Variants in PRH1 observed in about 807,000 individuals in gnomAD.
The protein encoded by PRH1 is salivary acidic proline-rich phosphoprotein 1/2.
Under a neutral mutation model 7.9 loss-of-function variants are expected in PRH1, and 7 were observed. That is an observed-to-expected ratio of 0.89 (90% CI 0.50 to 1.67). The LOEUF (loss-of-function observed/expected upper bound fraction) is 1.67, where lower values mean the gene tolerates loss of function less well. PRH1 is among the 40% of genes most tolerant of loss of function. PRH1 has a pLI of 0.00. For synonymous variants in PRH1, 45 were observed against 80.8 expected (o/e 0.56, Z 2.38); for missense variants, 109 against 223.6 (o/e 0.49, Z 3.27).
chr12:11,055,585 A>C (rs1340111470), intron 1 of PRH1, among the ~76,000 whole-genome samples: 1 of 152,274 alleles, frequency 6.6e-6, no homozygotes, highest in African/African-American at 2.4e-5. Context: ...ATTAACTCCT[A>C]TTCAAATGCT....
intron 1 of PRH1, among the ~76,000 whole-genome samples, chr12:11,111,073 T>C (rs1189670420): frequency 1.3e-5 from 2 of 152,136 alleles, no homozygotes; most frequent in African/African-American, 2.4e-5. Context: ...TACATAATGG[T>C]AAAGGAATCA....
chr12:10,956,889 G>T (rs2135925406), intron 2 of PRH1, among the ~76,000 whole-genome samples: 1 of 152,150 alleles, frequency 6.6e-6, no homozygotes, highest in East Asian at 1.9e-4. Context: ...AGTATTACAA[G>T]AGACTGTTCA....
chr12:10,909,070 C>T (rs1355652096), intron 2 of PRH1: 1 of 1,613,628 alleles, frequency 6.2e-7, no homozygotes, highest in South Asian at 1.1e-5. Context: ...GTTCCAGACA[C>T]AAATATGGCT....
chr12:10,882,742 C>T (rs1356569358), intron 2 of PRH1, 44 bp from the exon 3 acceptor site: 1 of 1,599,434 alleles, frequency 6.3e-7, no homozygotes, highest in Admixed American at 1.7e-5. Flanking sequence ...TGCTGGAAAA[C>T]CCTCCTGTCT....
Position 11,094,334 on chromosome 12 carries a change from C to T in PRH1, n.124-47146G>A, listed in dbSNP as rs1265759447. 4.1e-5 allele frequency among the ~76,000 whole-genome samples: 4 copies of T among 96,910 alleles called. 1 individual carries two copies. The highest frequency in any genetic ancestry group is 1.1e-4 in the Admixed American group (1 of 9,146). 63.6% of individuals were successfully genotyped at this position (96,910 alleles called of 152,430 possible). A position where few individuals can be genotyped will look rare whatever the true frequency, so the allele number is the denominator to read the frequency against. ...AAAAAAAAAAAAAAAAACCCGACGT[C>T]AAACGACATGTGAGATATAAATATC... is the stretch of plus-strand genomic sequence containing the variant. On this transcript the variant is annotated intron_variant and non_coding_transcript_variant, in intron 1 of 4. Coordinates refer to the PRH1 transcript ENST00000541977.
chr12:10,996,414 T>C (rs1472692621), intron 1 of PRH1: 1 of 150,962 alleles, frequency 6.6e-6, no homozygotes, highest in African/African-American at 2.4e-5. Flanking sequence ...TAGAATTAAA[T>C]GTCCTTACCA....
At chr12:10,953,843 G>GT (rs1937812840) in intron 2 of PRH1, among the ~76,000 whole-genome samples, 2 of 152,126 alleles carry the variant, frequency 1.3e-5, no homozygotes, top group African/African-American at 2.4e-5. Flanking sequence ...GAAAGAAAAA[G>GT]TGCCATAGGC....
intron 1 of PRH1, among the ~76,000 whole-genome samples, chr12:11,141,008 C>T (rs555392952): frequency 4.7e-4 from 71 of 151,878 alleles, no homozygotes; most frequent in African/African-American, 1.6e-3. Flanking sequence ...CTAAGTAATA[C>T]TTGTATAACT....
At chr12:11,045,260 C>T (rs1365296772) in intron 1 of PRH1, among the ~76,000 whole-genome samples, 1 of 139,238 alleles carries the variant, frequency 7.2e-6, no homozygotes, top group Non-Finnish European at 1.5e-5. Flanking sequence ...GGATGCTAAA[C>T]AAAGGCTGGG....
At chr12:10,950,292 T>C (rs117504311) in intron 2 of PRH1, among the ~76,000 whole-genome samples, 3,006 of 152,234 alleles carry the variant, frequency 0.02, 35 homozygotes, top group South Asian at 0.031. Context: ...GATTATGTCA[T>C]ACTCAGCCAA....
At chr12:10,887,569 TG>T (rs994889121), upstream of PRH1, among the ~76,000 whole-genome samples, 1 of 151,304 alleles carries the variant, frequency 6.6e-6, no homozygotes, top group Non-Finnish European at 1.5e-5. Context: ...TCACCCAGGT[TG>T]GGGTGCAGTG....
At chr12:10,913,978 C>T (rs116519503) in intron 2 of PRH1, among the ~76,000 whole-genome samples, 1 of 152,202 alleles carries the variant, frequency 6.6e-6, no homozygotes, top group East Asian at 1.9e-4. Flanking sequence ...ACTAAGCTAT[C>T]TTGGCAAGTA....
chr12:11,168,268 GAA>G (rs1555178284), intron 1 of PRH1, among the ~76,000 whole-genome samples: 25 of 33,046 alleles, frequency 7.6e-4, no homozygotes, highest in Non-Finnish European at 1.1e-3. Context: ...AAGAAAGAAA[GAA>G]AGAAAGAAAG....
chr12:10,984,468 A>G (rs1939505887), intron 1 of PRH1, among the ~76,000 whole-genome samples: 1 of 152,102 alleles, frequency 6.6e-6, no homozygotes, highest in Admixed American at 6.5e-5. Context: ...TGCCACTCCC[A>G]TATAGTTAGT....
At chr12:11,171,570 G>T, upstream of PRH1, 1 of 1,231,998 alleles carries the variant, frequency 8.1e-7, no homozygotes, top group South Asian at 4.1e-5. Context: ...TTAGAGCCAT[G>T]ACTAAGCTAA....
rs766204290 is a variant in PRH1, at chr12:10,882,670, A to G, written c.129T>C (p.Asp43=). 11 of 1,558,314 alleles carry G rather than the reference A, an allele frequency of 7.1e-6. No homozygotes were observed. The South Asian group carries it at 1.3e-4, about 19-fold the overall frequency. ...SDGGDSEQFL[D]EERQGPPLGG... ...CCAAAGGTGGTCCCTGACGCTCCTCATCTAGGAACTGCTCAGAGTCTCCTC... is the reference window on the plus strand; with the variant it reads ...CCAAAGGTGGTCCCTGACGCTCCTCGTCTAGGAACTGCTCAGAGTCTCCTC... The change falls in exon 3 of 4, where the codon GAT becomes GAC. Residue 43 remains aspartate (D), a synonymous_variant. Coordinates refer to ENST00000543626, the MANE Select transcript of PRH1 (RefSeq NM_001393989.1).
chr12:11,048,339 G>C (rs539585829), upstream of PRH1: 1 of 278,244 alleles, frequency 3.6e-6, no homozygotes, highest in Admixed American at 4.0e-5. Context: ...ATGGAGTTGA[G>C]GGTTTCTGTC....
At chr12:11,030,631 G>A in intron 1 of PRH1, 1 of 1,614,188 alleles carries the variant, frequency 6.2e-7, no homozygotes, top group Middle Eastern at 1.6e-4. Flanking sequence ...CACATAACAA[G>A]AGGAAAAAGA....
chr12:10,945,165 C>T (rs1402956443), intron 2 of PRH1, among the ~76,000 whole-genome samples: 2 of 152,096 alleles, frequency 1.3e-5, no homozygotes, highest in Non-Finnish European at 1.5e-5. Flanking sequence ...TAGAATTTGG[C>T]TGTGAATCCA....
Sources: gnomAD v4.1 joint callset for allele counts (sites outside exome capture counted in the v4.1 genomes callset) on GRCh38, gnomAD v4.1.1 for gene constraint, MANE v1.5 for transcripts, NCBI Gene and HGNC (gene_info 2026-07-23, HGNC 2026-07-21) for gene names.